The following FBXO31 variants were observed in gnomAD, a reference collection of about 807,000 sequenced individuals.
The protein encoded by FBXO31 is F-box protein 31, also known as F-box only protein 31.
In FBXO31, 24 loss-of-function variants were observed where a neutral mutation model predicts 54.4. The ratio of observed to expected loss-of-function variants is 0.44; its 90% CI spans 0.32 to 0.62. The LOEUF (loss-of-function observed/expected upper bound fraction) is 0.62, where lower values mean the gene tolerates loss of function less well. Among genes scored for constraint, FBXO31 ranks in the 20% least tolerant of loss-of-function variants. FBXO31 has a pLI of 0.05. For missense variants in FBXO31, 665 were observed against 787.1 expected, an observed-to-expected ratio of 0.84 and a Z score of 1.86; for synonymous variants, 388 against 335.6, an observed-to-expected ratio of 1.16 and a Z score of -1.71.
At chr16:87,370,839 T>A (rs991707459) in intron 1 of FBXO31, among the ~76,000 whole-genome samples, 3 of 152,214 alleles carry the variant, frequency 2.0e-5, no homozygotes, top group African/African-American at 7.2e-5. Flanking sequence ...ACTGCGTTTG[T>A]ACTTGCGCTA....
At chr16:87,350,705 T>C (rs1490864860) in intron 2 of FBXO31, among the ~76,000 whole-genome samples, 2 of 150,892 alleles carry the variant, frequency 1.3e-5, no homozygotes, top group East Asian at 4.1e-4. Context: ...CAAAATTTCA[T>C]CATGAAATAC....
Position 87,336,490 on chromosome 16 carries a change from G to T in FBXO31, c.733-226C>A, listed in dbSNP as rs1411438208. Among the ~76,000 whole-genome samples the T allele has an allele frequency of 6.6e-6, 1 of 152,176 alleles. No individual in the cohort carries two copies. The highest frequency in any genetic ancestry group is 1.9e-4 in the East Asian group (1 of 5,186). ...TGCCAACAAAAAGTGAAGGTTCCGG[G>T]CCCTTGGTCTGCTGGGTCGGAGGCA... On this transcript the variant is annotated intron_variant, in intron 5 of 8. Coordinates refer to ENST00000311635, the MANE Select transcript of FBXO31 (RefSeq NM_024735.5). The surrounding 1 kb of genome is among the most constrained non-coding windows in gnomAD (Gnocchi z 6.5).
chr16:87,351,984 C>CA (rs1409844899), intron 2 of FBXO31, among the ~76,000 whole-genome samples: 1 of 152,190 alleles, frequency 6.6e-6, no homozygotes, highest in Non-Finnish European at 1.5e-5. Context: ...GAGAAAACGT[C>CA]AACGCCAGGC....
In FBXO31 at chr16:87,331,968, C is replaced by T. The variant is rs114235541; in HGVS notation, c.1398-458G>A. On this transcript the variant is annotated intron_variant, in intron 8 of 8. Coordinates refer to ENST00000311635, the MANE Select transcript of FBXO31 (RefSeq NM_024735.5). ...CCCATACAATTAGCTCTAATACAGG[C>T]AGCCTGCAGCTGACATTAACTCAGA... is the stretch of plus-strand genomic sequence containing the variant. Among the ~76,000 whole-genome samples, 419 of 152,348 alleles carry T rather than the reference C, an allele frequency of 2.8e-3. 3 individuals carry two copies. The highest frequency in any genetic ancestry group is 9.6e-3 in the African/African-American group (399 of 41,582).
intron 2 of FBXO31, among the ~76,000 whole-genome samples, chr16:87,354,977 AAAAAT>A (rs1245448379): frequency 6.6e-6 from 1 of 152,182 alleles, no homozygotes; most frequent in African/African-American, 2.4e-5. Flanking sequence ...TCAAAAAAAT[AAAAAT>A]AAAAGAAACT....
rs758476442 is a variant in FBXO31 at position 87,331,461 on chromosome 16, G to A, written c.1447C>T (p.Arg483Cys). The A allele has an allele frequency of 2.2e-5, 36 of 1,612,828 alleles. No individual in the cohort carries two copies. Among genetic ancestry groups the A allele is most frequent in the Admixed American group, 8.3e-5 (5 of 59,972 alleles). ...IAGHGFTSPE[R>C]TPGVFILFDE... ...AAGAGGATGAAGACCCCGGGGGTGC[G>A]TTCAGGGCTGGTGAAGCCGTGGCCC... The change falls in exon 9 of 9, where the codon CGC becomes TGC. Residue 483 changes from arginine to cysteine, a missense_variant. Arg to Cys is a radical substitution (Grantham distance 180). Coordinates refer to ENST00000311635, the MANE Select transcript of FBXO31 (RefSeq NM_024735.5).
chr16:87,331,136 TA>T lies in FBXO31; in HGVS notation c.*151del. 1.5e-6 allele frequency: 1 copy of T among 661,212 alleles called. No individual in the cohort carries two copies. The allele number at this position is 661,212 out of a possible 1,614,324, so 41.0% of individuals were successfully genotyped here. On this transcript the variant is annotated 3_prime_UTR_variant, in exon 9 of 9. Transcript: ENST00000311635. ...GCAGGTCTATGTCACACTCTCTACATAAAGTGCTGGGGGGTGGCTGGACTGG... is the reference window on the plus strand; with the variant it reads ...GCAGGTCTATGTCACACTCTCTACATAAGTGCTGGGGGGTGGCTGGACTGG...
upstream of FBXO31, among the ~76,000 whole-genome samples, chr16:87,385,293 C>G (rs1415344753): frequency 6.6e-6 from 1 of 152,106 alleles, no homozygotes; most frequent in Admixed American, 6.5e-5. Flanking sequence ...CCCGTCTCTA[C>G]TAAAAATACA....
chr16:87,390,952 C>A (rs980428438), upstream of FBXO31, among the ~76,000 whole-genome samples: 3 of 152,102 alleles, frequency 2.0e-5, no homozygotes, highest in African/African-American at 7.2e-5. Flanking sequence ...TTAGCCTAAT[C>A]CAATTACTTT....
chr16:87,378,528 G>A (rs1478326909), intron 1 of FBXO31, among the ~76,000 whole-genome samples: 1 of 152,178 alleles, frequency 6.6e-6, no homozygotes, highest in African/African-American at 2.4e-5. Context: ...TCTCCTTCTG[G>A]GACTTGCCCA....
upstream of FBXO31, among the ~76,000 whole-genome samples, chr16:87,390,741 G>A (rs557496800): frequency 2.0e-5 from 3 of 152,138 alleles, no homozygotes; most frequent in African/African-American, 4.8e-5. Flanking sequence ...CACCTGGCGC[G>A]AGAAATATAT....
chr16:87,377,061 T>A (rs1906854413), intron 1 of FBXO31, among the ~76,000 whole-genome samples: 1 of 152,240 alleles, frequency 6.6e-6, no homozygotes, highest in Admixed American at 6.5e-5. Context: ...CTCGTGAAAC[T>A]GAAAATCTAG....
chr16:87,381,852 C>T (rs750939278), intron 1 of FBXO31, among the ~76,000 whole-genome samples: 2 of 152,010 alleles, frequency 1.3e-5, no homozygotes, highest in Non-Finnish European at 2.9e-5. Context: ...GTGAAACCCC[C>T]GTCTCTACTA....
Position 87,336,318 on chromosome 16 carries a change from G to A in FBXO31, c.733-54C>T, listed in dbSNP as rs1905045253. On this transcript the variant is annotated intron_variant, in intron 5 of 8. Transcript: ENST00000311635. This position sits in a 1 kb window ranked among gnomAD's most constrained non-coding sequence, Gnocchi z 6.5. ...CCATATGACAGGAGGCTGTGAAGAG[G>A]CTGCCGGCTGTGCCGCTGAGAGGAC... is the stretch of plus-strand genomic sequence containing the variant. 3 of 1,529,376 alleles carry A rather than the reference G, an allele frequency of 2.0e-6. No individual in the cohort carries two copies. The highest frequency in any genetic ancestry group is 2.7e-6 in the Non-Finnish European group (3 of 1,107,442). The allele number at this position is 1,529,376 out of a possible 1,614,324, so 94.7% of individuals were successfully genotyped here. A position where few individuals can be genotyped will look rare whatever the true frequency, so the allele number is the denominator to read the frequency against.
upstream of FBXO31, chr16:87,384,156 G>A (rs938943515): frequency 6.5e-6 from 1 of 153,392 alleles, no homozygotes; most frequent in Non-Finnish European, 1.5e-5. Context: ...TCGCGCCCGT[G>A]CGTCCCGCTT....
Position 87,368,624 on chromosome 16 carries a change from C to CT in FBXO31, c.341-8259dup, listed in dbSNP as rs201112757. Among the ~76,000 whole-genome samples the CT allele has an allele frequency of 9.8e-3, 1,314 of 133,610 alleles. 7 individuals carry two copies. Among genetic ancestry groups the CT allele is most frequent in the East Asian group, 0.015 (70 of 4,658 alleles). The allele number at this position is 133,610 out of a possible 152,430, so 87.7% of individuals were successfully genotyped here. Reference sequence around the variant, plus strand: ...AAAAGTTTCCTTACTAATCTATTTCCTTTTTTTTTTTTTTTTTGCCTTTAT... The same window carrying CT: ...AAAAGTTTCCTTACTAATCTATTTCCTTTTTTTTTTTTTTTTTTGCCTTTAT... On this transcript the variant is annotated intron_variant, in intron 1 of 8. Transcript: ENST00000311635.
chr16:87,374,962 C>G (rs1310420796), intron 1 of FBXO31, among the ~76,000 whole-genome samples: 1 of 152,164 alleles, frequency 6.6e-6, no homozygotes, highest in Non-Finnish European at 1.5e-5. Context: ...GTGGGCAGAT[C>G]ACCTGAGATC....
At chr16:87,369,326 T>C (rs1182523730) in intron 1 of FBXO31, among the ~76,000 whole-genome samples, 1 of 152,096 alleles carries the variant, frequency 6.6e-6, no homozygotes, top group Non-Finnish European at 1.5e-5. Flanking sequence ...ACTGTCCCCA[T>C]GGAGCGGCAA....
chr16:87,386,590 C>A (rs1567494053), upstream of FBXO31, among the ~76,000 whole-genome samples: 2 of 152,310 alleles, frequency 1.3e-5, no homozygotes, highest in South Asian at 4.1e-4. Flanking sequence ...AGTGCCACCA[C>A]ACTTGGCTAA....
Sources: gnomAD v4.1 joint callset for allele counts (sites outside exome capture counted in the v4.1 genomes callset) on GRCh38, gnomAD v4.1.1 for gene constraint, Gnocchi (gnomAD v3.1) non-coding constraint, MANE v1.5 for transcripts, NCBI Gene and HGNC (gene_info 2026-07-23, HGNC 2026-07-21) for gene names.